VOPP1: variants seen among roughly 807,000 people sequenced by gnomAD.
VOPP1 encodes the protein WW domain binding protein VOPP1.
Under a neutral mutation model 23.5 loss-of-function variants are expected in VOPP1, and 8 were observed. The ratio of observed to expected loss-of-function variants is 0.34; its 90% CI spans 0.20 to 0.61. The LOEUF (loss-of-function observed/expected upper bound fraction) is 0.61, where lower values mean the gene tolerates loss of function less well. VOPP1 is among the 20% of genes least tolerant of loss of function. The pLI is 0.78. For missense variants in VOPP1, 174 were observed against 238.1 expected, an observed-to-expected ratio of 0.73 and a Z score of 1.77; for synonymous variants, 83 against 97.3, an observed-to-expected ratio of 0.85 and a Z score of 0.86.
At chr7:55,501,685 T>A (rs1208606042) in intron 2 of VOPP1, among the ~76,000 whole-genome samples, 3 of 152,150 alleles carry the variant, frequency 2.0e-5, no homozygotes, top group African/African-American at 7.2e-5. Context: ...CCTCTCAAAT[T>A]GGACACTCAG....
intron 4 of VOPP1, among the ~76,000 whole-genome samples, chr7:55,484,781 CAG>C (rs1363317797): frequency 1.3e-5 from 2 of 152,208 alleles, no homozygotes; most frequent in Non-Finnish European, 2.9e-5. Context: ...CATACTCCCT[CAG>C]AGTCTCCCAA....
chr7:55,447,337 G>A (rs1791126374), intron 4 of VOPP1, among the ~76,000 whole-genome samples: 1 of 152,206 alleles, frequency 6.6e-6, no homozygotes, highest in African/African-American at 2.4e-5. Context: ...CTAGTGAGGG[G>A]CACAGCTGGT....
At chr7:55,547,229 G>T (rs985044741) in intron 1 of VOPP1, among the ~76,000 whole-genome samples, 1 of 152,128 alleles carries the variant, frequency 6.6e-6, no homozygotes, top group East Asian at 1.9e-4. Context: ...GGCTGGGGAC[G>T]GGGGACAAAG....
intron 4 of VOPP1, among the ~76,000 whole-genome samples, chr7:55,475,493 G>A (rs749104470): frequency 6.6e-5 from 10 of 152,200 alleles, no homozygotes; most frequent in Non-Finnish European, 1.3e-4. Context: ...CCTCAAGGAC[G>A]AAGGGAGCAG....
intron 2 of VOPP1, among the ~76,000 whole-genome samples, chr7:55,509,176 A>C (rs1156269789): frequency 6.6e-6 from 1 of 152,222 alleles, no homozygotes; most frequent in East Asian, 1.9e-4. Flanking sequence ...TACCTAAAAA[A>C]TCTGGAAACC....
intron 1 of VOPP1, among the ~76,000 whole-genome samples, chr7:55,551,885 C>T (rs1383469124): frequency 6.6e-6 from 1 of 152,056 alleles, no homozygotes; most frequent in East Asian, 1.9e-4. Context: ...ACTAAAAATA[C>T]AAAAATTAGC....
At chr7:55,502,453 C>T (rs759386157) in intron 2 of VOPP1, among the ~76,000 whole-genome samples, 6 of 152,254 alleles carry the variant, frequency 3.9e-5, no homozygotes, top group Non-Finnish European at 8.8e-5. Context: ...ATTCACTCTC[C>T]GCATTCTTGC....
intron 1 of VOPP1, among the ~76,000 whole-genome samples, chr7:55,558,590 C>T (rs1003522242): frequency 6.6e-6 from 1 of 152,142 alleles, no homozygotes; most frequent in African/African-American, 2.4e-5. Context: ...TTCCAATCAT[C>T]TCTGCTCAGC....
intron 3 of VOPP1, among the ~76,000 whole-genome samples, chr7:55,496,900 G>A (rs1312269511): frequency 6.6e-6 from 1 of 152,250 alleles, no homozygotes; most frequent in Non-Finnish European, 1.5e-5. Context: ...GAGAAGAAGA[G>A]CAGGTGGGTA....
intron 1 of VOPP1, chr7:55,571,966 A>C: frequency 3.4e-6 from 1 of 292,838 alleles, no homozygotes; most frequent in Non-Finnish European, 6.4e-6. Flanking sequence ...GAGGGGGCGG[A>C]CGGTGCACAA....
chr7:55,458,887 G>A (rs761872527), intron 4 of VOPP1, among the ~76,000 whole-genome samples: 1 of 152,038 alleles, frequency 6.6e-6, no homozygotes, highest in African/African-American at 2.4e-5. Flanking sequence ...TTGCCTGATT[G>A]CTCTGGCTAG....
At chr7:55,562,023 CT>C in intron 1 of VOPP1, 1 of 703,514 alleles carries the variant, frequency 1.4e-6, no homozygotes, top group Non-Finnish European at 2.6e-6. Flanking sequence ...ACTTCTGATC[CT>C]CATCTATGCA....
intron 4 of VOPP1, among the ~76,000 whole-genome samples, chr7:55,450,708 C>T (rs917045786): frequency 3.9e-5 from 6 of 152,190 alleles, no homozygotes; most frequent in African/African-American, 1.4e-4. Context: ...AAGCTTTTCC[C>T]CACGTAAGCT....
chr7:55,547,889 T>C (rs1339889403), intron 1 of VOPP1, among the ~76,000 whole-genome samples: 1 of 152,218 alleles, frequency 6.6e-6, no homozygotes, highest in Non-Finnish European at 1.5e-5. Flanking sequence ...CCTGCAGGCA[T>C]GTGCATTTAC....
intron 4 of VOPP1, among the ~76,000 whole-genome samples, chr7:55,449,283 C>T (rs1027166956): frequency 1.3e-5 from 2 of 152,208 alleles, no homozygotes; most frequent in Non-Finnish European, 2.9e-5. Context: ...GCGCTTCTCC[C>T]GGATGGACCG....
chr7:55,511,249 A>C (rs958948214), intron 2 of VOPP1, among the ~76,000 whole-genome samples: 1 of 152,230 alleles, frequency 6.6e-6, no homozygotes, highest in Non-Finnish European at 1.5e-5. Flanking sequence ...CTCCCAGGCA[A>C]TGATAGCCTA....
At chr7:55,447,506 C>T (rs547714549) in intron 4 of VOPP1, among the ~76,000 whole-genome samples, 12 of 152,232 alleles carry the variant, frequency 7.9e-5, no homozygotes, top group South Asian at 2.1e-4. Flanking sequence ...AGAGTGATGC[C>T]GCCACCTAAA....
downstream of VOPP1, among the ~76,000 whole-genome samples, chr7:55,469,437 T>C (rs1791718054): frequency 1.3e-5 from 2 of 152,198 alleles, 1 homozygote; most frequent in South Asian, 4.1e-4. Context: ...ATGGGTCATT[T>C]GCAGCTGCCT....
At chr7:55,568,988 T>TACTCTTAGCC (rs2129057817) in intron 1 of VOPP1, among the ~76,000 whole-genome samples, 1 of 152,342 alleles carries the variant, frequency 6.6e-6, no homozygotes, top group South Asian at 2.1e-4. Context: ...TGAGGTTCCC[T>TACTCTTAGCC]ACTCTTAGCC....
Sources: gnomAD v4.1 joint callset for allele counts (sites outside exome capture counted in the v4.1 genomes callset) on GRCh38, gnomAD v4.1.1 for gene constraint, MANE v1.5 for transcripts, NCBI Gene and HGNC (gene_info 2026-07-23, HGNC 2026-07-21) for gene names.